Variants in OR2A14 observed in about 807,000 individuals in gnomAD.
The protein encoded by OR2A14 is olfactory receptor 2A14.
A neutral mutation model predicts 2.4 loss-of-function variants in OR2A14; 2 were observed. The ratio of observed to expected loss-of-function variants is 0.85; its 90% CI spans 0.35 to 2.67. OR2A14 has a LOEUF of 2.67. Ranked by LOEUF, OR2A14 falls within the 30% of genes most tolerant of loss-of-function variation. OR2A14 has a pLI of 0.10. For synonymous variants in OR2A14, 160 were observed against 156.3 expected, an observed-to-expected ratio of 1.02 and a Z score of -0.18; for missense variants, 390 against 379.4, an observed-to-expected ratio of 1.03 and a Z score of -0.23.
rs1385616487 is a variant in OR2A14 at position 144,129,339 on chromosome 7, A to G, written c.227A>G (p.Tyr76Cys). ...AIVDISYASN[Y>C]VPKMLTNLMN... ...GTTGACATATCCTATGCTTCCAACT[A>G]TGTCCCCAAGATGCTGACGAATCTT... The change falls in exon 2 of 2, where the codon TAT becomes TGT. Residue 76 changes from tyrosine to cysteine, a missense_variant. Coordinates refer to ENST00000641068, the MANE Select transcript of OR2A14 (RefSeq NM_001001659.3). 1.2e-6 allele frequency: 2 copies of G among 1,614,182 alleles called. No homozygotes were observed. The highest frequency in any genetic ancestry group is 3.3e-5 in the Admixed American group (2 of 60,028).
At chr7:144,124,863 T>C (rs1586914818) in intron 1 of OR2A14, among the ~76,000 whole-genome samples, 1 of 152,132 alleles carries the variant, frequency 6.6e-6, no homozygotes, top group Non-Finnish European at 1.5e-5. Context: ...TATAGGAACA[T>C]TTATATTAGG....
chr7:144,124,324 T>C (rs1403583841), intron 1 of OR2A14, among the ~76,000 whole-genome samples: 1 of 152,106 alleles, frequency 6.6e-6, no homozygotes, highest in East Asian at 1.9e-4. Flanking sequence ...TAGCCAGGCA[T>C]GGTGGTGCAT....
intron 1 of OR2A14, among the ~76,000 whole-genome samples, chr7:144,128,622 C>A (rs1438257692): frequency 6.6e-6 from 1 of 152,132 alleles, no homozygotes; most frequent in East Asian, 1.9e-4. Flanking sequence ...GTGAGCAAGC[C>A]CATGGCAAAC....
Position 144,129,150 on chromosome 7 carries a change from TGCC to T in OR2A14, c.41_43del (p.Pro14del), listed in dbSNP as rs2051506917. 6.2e-7 allele frequency: 1 copy of T among 1,613,968 alleles called. No homozygotes were observed. The highest frequency in any genetic ancestry group is 1.3e-5 in the African/African-American group (1 of 74,902). ...AAGACATGGATCACAGACATCACCTTGCCGCGATTCCAGGTTGGTCCAGCACTG... is the reference window on the plus strand; with the variant it reads ...AAGACATGGATCACAGACATCACCTTGCGATTCCAGGTTGGTCCAGCACTG... On this transcript the variant is annotated inframe_deletion, in exon 2 of 2. Transcript: ENST00000641068.
rs748553482 is a variant in OR2A14, at chr7:144,130,057, G to A, written c.*12G>A. ...AGAGGCTGACGTGAGACATCTCAAA[G>A]GGAACCATGGGGAGGGAGCCTTGCT... On this transcript the variant is annotated 3_prime_UTR_variant, in exon 2 of 2. Coordinates refer to ENST00000641068, the MANE Select transcript of OR2A14 (RefSeq NM_001001659.3). 6.3e-7 allele frequency: 1 copy of A among 1,595,534 alleles called. No individual in the cohort carries two copies.
intron 1 of OR2A14, among the ~76,000 whole-genome samples, chr7:144,125,580 GT>G (rs1436673390): frequency 6.6e-6 from 1 of 152,212 alleles, no homozygotes; most frequent in Non-Finnish European, 1.5e-5. Flanking sequence ...CAATTTTTGT[GT>G]GTAGGTAGCC....
chr7:144,124,751 T>TA (rs2051469904), intron 1 of OR2A14, among the ~76,000 whole-genome samples: 1 of 152,190 alleles, frequency 6.6e-6, no homozygotes, highest in Non-Finnish European at 1.5e-5. Context: ...ATTGACCTCT[T>TA]ACTATTACAG....
Position 144,130,068 on chromosome 7 carries a change from G to C in OR2A14, c.*23G>C, listed in dbSNP as rs747558372. ...TGAGACATCTCAAAGGGAACCATGGGGAGGGAGCCTTGCTCCCTGCAAAAT... is the reference window on the plus strand; with the variant it reads ...TGAGACATCTCAAAGGGAACCATGGCGAGGGAGCCTTGCTCCCTGCAAAAT... On this transcript the variant is annotated 3_prime_UTR_variant, in exon 2 of 2. Coordinates refer to ENST00000641068, the MANE Select transcript of OR2A14 (RefSeq NM_001001659.3). The C allele has an allele frequency of 5.7e-6, 9 of 1,585,118 alleles. No individual in the cohort carries two copies. The highest frequency in any genetic ancestry group is 1.4e-5 in the African/African-American group (1 of 73,560).
intron 1 of OR2A14, among the ~76,000 whole-genome samples, chr7:144,124,650 T>G (rs1015065840): frequency 6.6e-6 from 1 of 152,108 alleles, no homozygotes; most frequent in African/African-American, 2.4e-5. Flanking sequence ...AACTTTTCTT[T>G]TGTGTCAGTG....
Position 144,129,768 on chromosome 7 carries a change from G to A in OR2A14, c.656G>A (p.Arg219His), listed in dbSNP as rs199642567. Residue 219 changes from arginine (R) to histidine (H), a missense_variant, in exon 2 of 2, where the codon CGC becomes CAC. Coordinates refer to ENST00000641068, the MANE Select transcript of OR2A14 (RefSeq NM_001001659.3). ...PLCLVLVSYL[R>H]ILAAILRIQS... ...TGCCTGGTGCTGGTCTCCTACTTGCGCATCCTGGCCGCCATCTTGAGGATC... is the reference window on the plus strand; with the variant it reads ...TGCCTGGTGCTGGTCTCCTACTTGCACATCCTGGCCGCCATCTTGAGGATC... 30 of 1,613,842 alleles carry A rather than the reference G, an allele frequency of 1.9e-5. No homozygotes were observed. The highest frequency in any genetic ancestry group is 2.2e-5 in the East Asian group (1 of 44,894).
chr7:144,124,162 G>A (rs2051465113), intron 1 of OR2A14, among the ~76,000 whole-genome samples: 1 of 152,234 alleles, frequency 6.6e-6, no homozygotes, highest in East Asian at 1.9e-4. Context: ...TTGTTCATTT[G>A]TTTTTAACAC....
chr7:144,127,261 T>C (rs2051488432), intron 1 of OR2A14, among the ~76,000 whole-genome samples: 1 of 152,198 alleles, frequency 6.6e-6, no homozygotes, highest in Non-Finnish European at 1.5e-5. Context: ...TTACAGAACA[T>C]TGTTTGCTTA....
intron 1 of OR2A14, among the ~76,000 whole-genome samples, chr7:144,124,118 C>G (rs1341574084): frequency 6.6e-6 from 1 of 152,180 alleles, no homozygotes; most frequent in East Asian, 1.9e-4. Flanking sequence ...AAGCCAGGAT[C>G]TGAACCCAGG....
At position 144,130,374 on chromosome 7, in the gene OR2A14, C is replaced by CTACATGTTCCAAACAA. The variant is rs2051523109; in HGVS notation, c.*329_*330insTACATGTTCCAAACAA. The CTACATGTTCCAAACAA allele has an allele frequency of 9.5e-5, 18 of 188,720 alleles. No homozygotes were observed. In the South Asian group the frequency reaches 2.2e-3, roughly 23 times the overall value. The allele number at this position is 188,720 out of a possible 1,614,324, so 11.7% of individuals were successfully genotyped here. A position where few individuals can be genotyped will look rare whatever the true frequency, so the allele number is the denominator to read the frequency against. On this transcript the variant is annotated 3_prime_UTR_variant, in exon 2 of 2. Coordinates refer to ENST00000641068, the MANE Select transcript of OR2A14 (RefSeq NM_001001659.3). ...AAATGCAAGCCACAAACCAAGTGAT[C>CTACATGTTCCAAACAA]GTATGGAAACTACATGTACCCAGAA...
rs1244243751 is a variant in OR2A14, at chr7:144,129,388, C to CT, written c.282dup (p.Pro95SerfsTer26). 1 of 1,614,204 alleles carries CT rather than the reference C, an allele frequency of 6.2e-7. No homozygotes were observed. The highest frequency in any genetic ancestry group is 8.5e-7 in the Non-Finnish European group (1 of 1,180,032). On this transcript the variant is annotated frameshift_variant, in exon 2 of 2. Transcript: ENST00000641068. LOFTEE classifies it low-confidence loss of function (END_TRUNC). ...TTATGAACCAGGAAAGCACCATCTC[C>CT]TTTTTTCCATGCATAATGCAGACAT...
intron 1 of OR2A14, among the ~76,000 whole-genome samples, chr7:144,123,908 T>C (rs1390068029): frequency 1.3e-5 from 2 of 152,162 alleles, no homozygotes; most frequent in African/African-American, 4.8e-5. Context: ...TGTCTCCTTA[T>C]GATGACTGGA....
intron 1 of OR2A14, among the ~76,000 whole-genome samples, chr7:144,123,835 G>GT (rs1301493630): frequency 2.0e-5 from 3 of 151,766 alleles, no homozygotes; most frequent in African/African-American, 7.3e-5. Context: ...GCCAGTGCCT[G>GT]TCAGGGTACA....
chr7:144,129,439 A>G lies in OR2A14; in HGVS notation c.327A>G (p.Val109=). Residue 109 remains valine (V), a synonymous_variant, in exon 2 of 2, where the codon GTA becomes GTG. Transcript: ENST00000641068. ...QTFLYLAFAH[V]ECLILVVMSY... is the part of the protein sequence containing the mutation. ...TCTTGTATTTGGCTTTTGCTCACGT[A>G]GAGTGTCTGATTTTGGTGGTGATGT... 6.2e-7 allele frequency: 1 copy of G among 1,614,058 alleles called. No homozygotes were observed.
chr7:144,125,767 C>A (rs571184041), intron 1 of OR2A14, among the ~76,000 whole-genome samples: 12 of 152,302 alleles, frequency 7.9e-5, no homozygotes, highest in African/African-American at 2.9e-4. Context: ...TTATTCTAGG[C>A]TGCTGGGGTT....
Sources: gnomAD v4.1 joint callset for allele counts (sites outside exome capture counted in the v4.1 genomes callset) on GRCh38, gnomAD v4.1.1 for gene constraint, MANE v1.5 for transcripts, NCBI Gene and HGNC (gene_info 2026-07-23, HGNC 2026-07-21) for gene names.